SUCLG2: variants seen among roughly 807,000 people sequenced by gnomAD.
The protein encoded by SUCLG2 is succinate-CoA ligase GDP-forming subunit beta.
In SUCLG2, 42 loss-of-function variants were observed where a neutral mutation model predicts 47.9. The ratio of observed to expected loss-of-function variants is 0.88; its 90% CI spans 0.69 to 1.14. SUCLG2 has a LOEUF of 1.14. Ranked by LOEUF, SUCLG2 falls within the 50% of genes most tolerant of loss-of-function variation. The pLI is 0.00. For synonymous variants in SUCLG2, 195 were observed against 197.3 expected, an observed-to-expected ratio of 0.99 and a Z score of 0.10; for missense variants, 571 against 525.9, an observed-to-expected ratio of 1.09 and a Z score of -0.84.
intron 7 of SUCLG2, among the ~76,000 whole-genome samples, chr3:67,506,699 T>C (rs1192219518): frequency 6.6e-6 from 1 of 152,234 alleles, no homozygotes; most frequent in Non-Finnish European, 1.5e-5. Context: ...TTTTTCTTCA[T>C]GCAAAGCAAC....
At chr3:67,388,679 C>T (rs895890276) in intron 10 of SUCLG2, among the ~76,000 whole-genome samples, 1 of 152,204 alleles carries the variant, frequency 6.6e-6, no homozygotes, top group Non-Finnish European at 1.5e-5. Flanking sequence ...TAAGGAAATG[C>T]AGACTCCTAA....
At chr3:67,506,040 T>A (rs1406648418) in intron 7 of SUCLG2, among the ~76,000 whole-genome samples, 1 of 152,138 alleles carries the variant, frequency 6.6e-6, no homozygotes, top group African/African-American at 2.4e-5. Flanking sequence ...GCTGAGCTCC[T>A]TAAACTTTTA....
chr3:67,593,713 T>C (rs915644826), intron 2 of SUCLG2, among the ~76,000 whole-genome samples: 1 of 152,224 alleles, frequency 6.6e-6, no homozygotes, highest in Non-Finnish European at 1.5e-5. Context: ...TTCTCAGCTT[T>C]AGCACTGAAA....
chr3:67,613,654 C>G (rs893744829), intron 1 of SUCLG2, among the ~76,000 whole-genome samples: 8 of 152,180 alleles, frequency 5.3e-5, no homozygotes, highest in African/African-American at 1.7e-4. Flanking sequence ...GGATTCTTAG[C>G]CACTGAAATT....
intron 9 of SUCLG2, among the ~76,000 whole-genome samples, chr3:67,464,770 T>C (rs1704429166): frequency 6.6e-6 from 1 of 152,246 alleles, no homozygotes; most frequent in Non-Finnish European, 1.5e-5. Context: ...CTTTGTCTTT[T>C]AGAAATCAGT....
intron 9 of SUCLG2, among the ~76,000 whole-genome samples, chr3:67,415,991 G>C (rs984177059): frequency 2.0e-5 from 3 of 152,188 alleles, no homozygotes; most frequent in Admixed American, 6.5e-5. Context: ...GGACACTCAA[G>C]AGACTTCTAT....
chr3:67,534,768 CAAAAAAAAAAA>C (rs60612549), intron 2 of SUCLG2, among the ~76,000 whole-genome samples: 779 of 34,974 alleles, frequency 0.022, 10 homozygotes, highest in African/African-American at 0.062. Flanking sequence ...ACACTGATGG[CAAAAAAAAAAA>C]AAAAAAAAAA....
At chr3:67,518,133 A>T (rs1006219448) in intron 6 of SUCLG2, 114 bp downstream of exon 6, 1 of 909,928 alleles carries the variant, frequency 1.1e-6, no homozygotes, top group African/African-American at 1.7e-5. Context: ...AAAAAATTAT[A>T]AAACAATAAA....
intron 2 of SUCLG2, among the ~76,000 whole-genome samples, chr3:67,609,059 T>A (rs554889346): frequency 6.6e-6 from 1 of 152,230 alleles, no homozygotes; most frequent in Admixed American, 6.5e-5. Context: ...TGCCTGTGAA[T>A]CTCATGCAGC....
At chr3:67,568,743 C>A (rs554044575) in intron 2 of SUCLG2, among the ~76,000 whole-genome samples, 1 of 152,036 alleles carries the variant, frequency 6.6e-6, no homozygotes, top group Non-Finnish European at 1.5e-5. Context: ...AAAAATTAGC[C>A]GGGCGTGGTA....
intron 1 of SUCLG2, among the ~76,000 whole-genome samples, chr3:67,609,906 T>A (rs1416752821): frequency 2.6e-5 from 4 of 152,186 alleles, no homozygotes; most frequent in African/African-American, 9.7e-5. Context: ...GTACCACAAC[T>A]ACATGAGGTG....
intron 2 of SUCLG2, among the ~76,000 whole-genome samples, chr3:67,592,730 A>C (rs1043572974): frequency 1.6e-5 from 2 of 124,628 alleles, no homozygotes; most frequent in African/African-American, 6.2e-5. Flanking sequence ...AAAAAAAAAA[A>C]AAAAAACAAC....
chr3:67,383,496 C>T (rs371446730), intron 10 of SUCLG2, among the ~76,000 whole-genome samples: 52 of 152,292 alleles, frequency 3.4e-4, no homozygotes, highest in African/African-American at 1.2e-3. Flanking sequence ...ATTGTATCCA[C>T]ACCTAATCTC....
intron 1 of SUCLG2, among the ~76,000 whole-genome samples, chr3:67,645,285 CA>C (rs1366392218): frequency 1.3e-5 from 2 of 151,904 alleles, no homozygotes; most frequent in African/African-American, 4.8e-5. Context: ...ATACTCATAT[CA>C]AACAAAAAAG....
At position 67,498,505 on chromosome 3, in the gene SUCLG2, C is replaced by G. The variant is rs1575736558; in HGVS notation, c.758-210G>C. On this transcript the variant is annotated intron_variant, in intron 7 of 10. Coordinates refer to ENST00000307227, the MANE Select transcript of SUCLG2 (RefSeq NM_003848.4). ...AAGGGACTTACGTTCTAGTAAAGAA[C>G]ATAGTAATTTCTACCTGTTGTTCTC... Among the ~76,000 whole-genome samples, 5 of 152,214 alleles carry G rather than the reference C, an allele frequency of 3.3e-5. No homozygotes were observed. The South Asian group carries it at 8.3e-4, about 25-fold the overall frequency.
chr3:67,381,491 C>A (rs1490037863), intron 10 of SUCLG2, among the ~76,000 whole-genome samples: 1 of 152,136 alleles, frequency 6.6e-6, no homozygotes, highest in Non-Finnish European at 1.5e-5. Context: ...AGTGTTTATG[C>A]CTGTGCACAG....
At chr3:67,520,755 G>T in intron 4 of SUCLG2, 121 bp from the exon 5 acceptor site, 1 of 1,172,482 alleles carries the variant, frequency 8.5e-7, no homozygotes, top group Non-Finnish European at 1.2e-6. Flanking sequence ...AGCCCAGGGA[G>T]TGAGTTTGCA....
intron 7 of SUCLG2, among the ~76,000 whole-genome samples, chr3:67,501,129 A>G (rs1247724010): frequency 1.3e-5 from 2 of 152,198 alleles, no homozygotes; most frequent in Non-Finnish European, 2.9e-5. Context: ...GTTAATTTGT[A>G]GAGAAAACTA....
At position 67,375,039 on chromosome 3, in the gene SUCLG2, A is replaced by C. The variant is rs1702008985; in HGVS notation, c.*705T>G. The C allele has an allele frequency of 1.0e-6, 1 of 985,784 alleles. No individual in the cohort carries two copies. Among genetic ancestry groups the C allele is most frequent in the Non-Finnish European group, 1.2e-6 (1 of 829,910 alleles). The allele number at this position is 985,784 out of a possible 1,614,324, so 61.1% of individuals were successfully genotyped here. On this transcript the variant is annotated 3_prime_UTR_variant, in exon 11 of 11. Transcript: ENST00000307227. ...TTTTGACACAAAAATGGAAGCTTCC[A>C]CTCCCAAAATCACAAATAAGGCTTC...
Sources: gnomAD v4.1 joint callset for allele counts (sites outside exome capture counted in the v4.1 genomes callset) on GRCh38, gnomAD v4.1.1 for gene constraint, MANE v1.5 for transcripts, NCBI Gene and HGNC (gene_info 2026-07-23, HGNC 2026-07-21) for gene names.